SMYD3: variants seen among roughly 807,000 people sequenced by gnomAD.
The protein encoded by SMYD3 is histone-lysine N-methyltransferase SMYD3.
Under a neutral mutation model 57.7 loss-of-function variants are expected in SMYD3, and 36 were observed. The observed-to-expected ratio is 0.62, with a 90% CI of 0.48 to 0.82. The LOEUF is 0.82. Ranked by LOEUF, SMYD3 falls within the 40% of genes least tolerant of loss-of-function variation. The pLI is 0.00. For synonymous variants in SMYD3, 211 were observed against 195.0 expected (o/e 1.08, Z -0.68); for missense variants, 515 against 538.8 (o/e 0.96, Z 0.44).
chr1:246,363,318 G>A (rs1344438640), intron 1 of SMYD3, among the ~76,000 whole-genome samples: 4,597 of 93,038 alleles, frequency 0.049, no homozygotes, highest in Middle Eastern at 0.19. Context: ...CCCCCCGCCC[G>A]GCCAGCCGCC....
At chr1:246,241,546 A>C (rs533024805) in intron 5 of SMYD3, among the ~76,000 whole-genome samples, 1 of 152,280 alleles carries the variant, frequency 6.6e-6, no homozygotes, top group Admixed American at 6.5e-5. Flanking sequence ...TATTGGTCTA[A>C]AATTATCTTT....
chr1:246,085,534 A>G (rs2060707897), intron 5 of SMYD3, among the ~76,000 whole-genome samples: 1 of 152,266 alleles, frequency 6.6e-6, no homozygotes, highest in African/African-American at 2.4e-5. Context: ...AGAAAGGGGC[A>G]TCCTTATCTC....
chr1:245,925,646 G>A (rs995265308), intron 7 of SMYD3, among the ~76,000 whole-genome samples: 5 of 152,166 alleles, frequency 3.3e-5, no homozygotes, highest in Middle Eastern at 3.4e-3. Flanking sequence ...AAATACTGCC[G>A]GTCATTAGAG....
At chr1:246,095,477 A>G (rs2060898730) in intron 5 of SMYD3, among the ~76,000 whole-genome samples, 1 of 152,234 alleles carries the variant, frequency 6.6e-6, no homozygotes, top group Non-Finnish European at 1.5e-5. Flanking sequence ...CTTTGGGAGC[A>G]CAGATTAGGA....
chr1:246,499,176 G>A (rs1370902945), intron 1 of SMYD3, among the ~76,000 whole-genome samples: 1 of 149,530 alleles, frequency 6.7e-6, no homozygotes, highest in East Asian at 2.0e-4. Context: ...AATACACACG[G>A]GCCTATAGTC....
chr1:245,800,429 T>A (rs1189232668), intron 10 of SMYD3, among the ~76,000 whole-genome samples: 1 of 151,150 alleles, frequency 6.6e-6, no homozygotes, highest in Non-Finnish European at 1.5e-5. Flanking sequence ...TATGCTGGGT[T>A]TTTTTTTTAA....
At chr1:246,087,294 T>C (rs1186494973) in intron 5 of SMYD3, among the ~76,000 whole-genome samples, 1 of 152,202 alleles carries the variant, frequency 6.6e-6, no homozygotes, top group Non-Finnish European at 1.5e-5. Context: ...TTTTTATCAC[T>C]AGACCAACAT....
At chr1:246,391,114 G>C (rs933157836) in intron 1 of SMYD3, among the ~76,000 whole-genome samples, 1 of 151,436 alleles carries the variant, frequency 6.6e-6, no homozygotes, top group African/African-American at 2.4e-5. Flanking sequence ...AGCTGGGTGC[G>C]ATGGCTCATG....
chr1:245,965,279 T>G (rs1298651107), intron 5 of SMYD3, among the ~76,000 whole-genome samples: 1 of 152,194 alleles, frequency 6.6e-6, no homozygotes, highest in East Asian at 1.9e-4. Context: ...TTGGGAATAT[T>G]TTGTTATTAT....
chr1:246,342,987 C>T (rs905153422), intron 2 of SMYD3, among the ~76,000 whole-genome samples: 4 of 152,100 alleles, frequency 2.6e-5, no homozygotes, highest in South Asian at 4.1e-4. Flanking sequence ...CGTTCTAATT[C>T]GTGCTACATT....
intron 1 of SMYD3, among the ~76,000 whole-genome samples, chr1:246,487,843 C>T (rs927839937): frequency 2.0e-5 from 3 of 152,078 alleles, no homozygotes; most frequent in African/African-American, 7.2e-5. Context: ...TACAGGCATG[C>T]ACCACCAAGC....
At chr1:246,159,534 C>G (rs917735050) in intron 5 of SMYD3, among the ~76,000 whole-genome samples, 1 of 152,010 alleles carries the variant, frequency 6.6e-6, no homozygotes, top group South Asian at 2.1e-4. Context: ...TTGCTTTTAA[C>G]TGGCATGAAT....
intron 1 of SMYD3, among the ~76,000 whole-genome samples, chr1:246,432,448 C>A (rs1240227644): frequency 6.6e-6 from 1 of 152,122 alleles, no homozygotes; most frequent in Non-Finnish European, 1.5e-5. Flanking sequence ...AATTAGAGGG[C>A]ACCCAGAAAG....
intron 10 of SMYD3, among the ~76,000 whole-genome samples, chr1:245,836,343 A>G (rs1253167681): frequency 2.6e-5 from 4 of 152,196 alleles, no homozygotes; most frequent in South Asian, 2.1e-4. Context: ...CCCCTCGCAT[A>G]GCCACTGGCC....
intron 10 of SMYD3, among the ~76,000 whole-genome samples, chr1:245,790,134 G>A (rs763733025): frequency 6.6e-6 from 1 of 152,204 alleles, no homozygotes; most frequent in Non-Finnish European, 1.5e-5. Context: ...ACAGTAGTCA[G>A]AGCTGCTCTA....
At chr1:246,385,072 A>G (rs2066452571) in intron 1 of SMYD3, among the ~76,000 whole-genome samples, 2 of 152,370 alleles carry the variant, frequency 1.3e-5, no homozygotes, top group South Asian at 4.1e-4. Flanking sequence ...TTTCTGCCTA[A>G]GAATTTTACT....
chr1:246,085,580 G>A (rs1397152332), intron 5 of SMYD3, among the ~76,000 whole-genome samples: 1 of 152,022 alleles, frequency 6.6e-6, no homozygotes, highest in Non-Finnish European at 1.5e-5. Flanking sequence ...GAACAAATAG[G>A]TCTTACTAAG....
chr1:246,420,631 G>A (rs1002267898), intron 1 of SMYD3, among the ~76,000 whole-genome samples: 5 of 152,210 alleles, frequency 3.3e-5, no homozygotes, highest in Admixed American at 1.3e-4. Context: ...CTACGCAGGT[G>A]AAAGATTCAA....
At chr1:245,965,224 A>C (rs540451187) in intron 5 of SMYD3, among the ~76,000 whole-genome samples, 2 of 152,326 alleles carry the variant, frequency 1.3e-5, no homozygotes, top group East Asian at 1.9e-4. Flanking sequence ...CTTATGTATA[A>C]GTGAAATGAA....
Sources: allele counts gnomAD v4.1 joint callset (sites outside exome capture counted in the v4.1 genomes callset), GRCh38; gene constraint gnomAD v4.1.1; transcripts MANE v1.5; gene names NCBI Gene and HGNC (gene_info 2026-07-23, HGNC 2026-07-21).